YTHDC2: variants seen among roughly 807,000 people sequenced by gnomAD.
YTHDC2 encodes the protein YTH N6-methyladenosine RNA binding protein C2.
Under a neutral mutation model 174.9 loss-of-function variants are expected in YTHDC2, and 45 were observed. The ratio of observed to expected loss-of-function variants is 0.26; its 90% CI spans 0.20 to 0.33. YTHDC2 has a LOEUF of 0.33. Ranked by LOEUF, YTHDC2 falls within the 10% of genes least tolerant of loss-of-function variation. The pLI, the probability that YTHDC2 is intolerant of heterozygous loss-of-function variation, is 1.00. For missense variants in YTHDC2, 1,650 were observed against 1,723.7 expected (o/e 0.96, Z 0.76); for synonymous variants, 657 against 574.5 (o/e 1.14, Z -2.05).
intron 23 of YTHDC2, among the ~76,000 whole-genome samples, chr5:113,572,127 A>C (rs1319349173): frequency 6.6e-6 from 1 of 152,188 alleles, no homozygotes; most frequent in African/African-American, 2.4e-5. Flanking sequence ...TTTCCGTCTT[A>C]ACACTACTTT....
chr5:113,593,152 A>T, intron 28 of YTHDC2, 151 bp from the exon 29 acceptor site: 1 of 546,756 alleles, frequency 1.8e-6, no homozygotes, highest in Non-Finnish European at 3.2e-6. Flanking sequence ...GCAAAGAATT[A>T]GAACAATTCA....
chr5:113,577,587 C>G (rs13359625), intron 23 of YTHDC2, among the ~76,000 whole-genome samples: 50,995 of 151,920 alleles, frequency 0.34, 11,060 homozygotes, highest in African/African-American at 0.6. Context: ...CCAGGCTGGT[C>G]TCAAACTTCT....
Position 113,584,383 on chromosome 5 carries a change from T to C in YTHDC2, c.3729T>C (p.Gly1243=), listed in dbSNP as rs2112802051. ...KDRGILHPKR[G]TEDRSDQSSL... is the part of the protein sequence containing the mutation. ...GAGGAATTTTACATCCTAAACGAGG[T>C]ACTGAGGACCGATCAGATCAGTCTT... The change falls in exon 26 of 30, where the codon GGT becomes GGC. Residue 1243 remains glycine, a synonymous_variant. Transcript: ENST00000161863. 6.2e-7 allele frequency: 1 copy of C among 1,613,830 alleles called. No homozygotes were observed.
intron 23 of YTHDC2, among the ~76,000 whole-genome samples, chr5:113,569,379 T>C (rs1415871339): frequency 1.3e-5 from 2 of 152,248 alleles, no homozygotes; most frequent in East Asian, 1.9e-4. Context: ...TTGCTTTTGC[T>C]GCAATTGCTT....
intron 18 of YTHDC2, among the ~76,000 whole-genome samples, chr5:113,562,868 G>T (rs565738362): frequency 6.6e-6 from 1 of 152,088 alleles, no homozygotes; most frequent in Admixed American, 6.5e-5. Flanking sequence ...GACGATAATC[G>T]TAATTAAGTA....
chr5:113,557,658 G>T (rs1445666127), intron 17 of YTHDC2, among the ~76,000 whole-genome samples: 1 of 152,144 alleles, frequency 6.6e-6, no homozygotes, highest in Admixed American at 6.5e-5. Flanking sequence ...GCTAGGTGTG[G>T]TGGCACAGGC....
intron 9 of YTHDC2, 49 bp from the exon 10 acceptor site, chr5:113,542,319 A>C (rs1209234595): frequency 6.3e-7 from 1 of 1,587,546 alleles, no homozygotes; most frequent in East Asian, 2.2e-5. Flanking sequence ...CTTTGCAAGC[A>C]AATGTTAGGT....
At chr5:113,562,182 T>G (rs1166063335) in intron 18 of YTHDC2, among the ~76,000 whole-genome samples, 1 of 147,802 alleles carries the variant, frequency 6.8e-6, no homozygotes, top group African/African-American at 2.5e-5. Flanking sequence ...CCAATGCTTA[T>G]GTGTGATTTT....
Position 113,513,731 on chromosome 5 carries a change from C to A in YTHDC2, c.-165C>A, listed in dbSNP as rs1198065649. 2.8e-6 allele frequency: 2 copies of A among 719,690 alleles called. No homozygotes were observed. Among genetic ancestry groups the A allele is most frequent in the Non-Finnish European group, 4.3e-6 (2 of 468,360 alleles). 44.6% of individuals were successfully genotyped at this position (719,690 alleles called of 1,614,324 possible). A position where few individuals can be genotyped will look rare whatever the true frequency, so the allele number is the denominator to read the frequency against. Reference sequence around the variant, plus strand: ...GCCGTGATATCAATGGCGCAGGCTTCACTTCTGCTGTGGCGGTGACTGAGG... The same window carrying A: ...GCCGTGATATCAATGGCGCAGGCTTAACTTCTGCTGTGGCGGTGACTGAGG... On this transcript the variant is annotated 5_prime_UTR_variant, in exon 1 of 30. It introduces an in-frame stop codon into an upstream open reading frame of the 5' UTR. Coordinates refer to ENST00000161863, the MANE Select transcript of YTHDC2 (RefSeq NM_022828.5).
At chr5:113,557,461 G>A (rs1021916062) in intron 17 of YTHDC2, among the ~76,000 whole-genome samples, 2 of 152,110 alleles carry the variant, frequency 1.3e-5, no homozygotes, top group African/African-American at 4.8e-5. Flanking sequence ...ATAGTGGCTT[G>A]ATACATTAAG....
intron 26 of YTHDC2, among the ~76,000 whole-genome samples, chr5:113,589,136 A>G (rs1778847560): frequency 6.6e-6 from 1 of 151,602 alleles, no homozygotes; most frequent in South Asian, 2.1e-4. Context: ...TCCATTTTGT[A>G]TTATTTACTT....
chr5:113,553,383 A>G (rs1359913837), intron 13 of YTHDC2, 24 bp downstream of exon 13: 1 of 1,573,446 alleles, frequency 6.4e-7, no homozygotes, highest in Non-Finnish European at 8.6e-7. Context: ...GTCTAAAAGA[A>G]CTGGAGCAAA....
At position 113,545,175 on chromosome 5, in the gene YTHDC2, A is replaced by G. The variant is rs77142605; in HGVS notation, c.1495+2672A>G. Reference sequence around the variant, plus strand: ...ATTTGAGGTGTCTGGGTCAATTACCAAGCATGTGGTATGCTGCAAGGGACT... The same window carrying G: ...ATTTGAGGTGTCTGGGTCAATTACCGAGCATGTGGTATGCTGCAAGGGACT... On this transcript the variant is annotated intron_variant, in intron 10 of 29. Transcript: ENST00000161863. Among the ~76,000 whole-genome samples, 1,292 of 152,274 alleles carry G rather than the reference A, an allele frequency of 8.5e-3. 20 individuals are homozygous for G. The highest frequency in any genetic ancestry group is 0.03 in the African/African-American group (1,242 of 41,542).
At chr5:113,518,339 T>C (rs1431519970) in intron 2 of YTHDC2, among the ~76,000 whole-genome samples, 1 of 151,932 alleles carries the variant, frequency 6.6e-6, no homozygotes, top group Non-Finnish European at 1.5e-5. Flanking sequence ...TAGCTGGTAC[T>C]ACAGGCATAT....
At chr5:113,576,621 T>TG (rs1323312249) in intron 23 of YTHDC2, among the ~76,000 whole-genome samples, 5 of 152,170 alleles carry the variant, frequency 3.3e-5, no homozygotes, top group African/African-American at 1.2e-4. Flanking sequence ...TATTTAAAGA[T>TG]TCCTTCATTT....
At chr5:113,566,621 A>G (rs1777349706) in intron 21 of YTHDC2, among the ~76,000 whole-genome samples, 1 of 152,104 alleles carries the variant, frequency 6.6e-6, no homozygotes, top group South Asian at 2.1e-4. Context: ...AGGACTTAAG[A>G]GTTGACTTGA....
chr5:113,593,186 T>C, intron 28 of YTHDC2, 117 bp from the exon 29 acceptor site: 4 of 696,784 alleles, frequency 5.7e-6, no homozygotes, highest in Non-Finnish European at 9.7e-6. Context: ...TAGCATACGC[T>C]GGTAGGAAAA....
At chr5:113,563,051 G>A (rs991807144) in intron 18 of YTHDC2, among the ~76,000 whole-genome samples, 1 of 132,010 alleles carries the variant, frequency 7.6e-6, no homozygotes, top group Non-Finnish European at 1.6e-5. Flanking sequence ...AATGTAGTAA[G>A]TATAAAGGGG....
At chr5:113,521,399 A>G (rs1773849073) in intron 2 of YTHDC2, among the ~76,000 whole-genome samples, 1 of 152,158 alleles carries the variant, frequency 6.6e-6, no homozygotes, top group African/African-American at 2.4e-5. Context: ...GAAATATTGG[A>G]TAGATCTCAT....
Sources: gnomAD v4.1 joint callset for allele counts (sites outside exome capture counted in the v4.1 genomes callset) on GRCh38, gnomAD v4.1.1 for gene constraint, MANE v1.5 for transcripts, NCBI Gene and HGNC (gene_info 2026-07-23, HGNC 2026-07-21) for gene names.